The following SOX5 variants were observed in gnomAD, a reference collection of about 807,000 sequenced individuals.
SOX5 encodes SRY-box transcription factor 5, also known as transcription factor SOX-5.
In SOX5, 9 loss-of-function variants were observed where a neutral mutation model predicts 92.0. That is an observed-to-expected ratio of 0.10 (90% CI 0.06 to 0.17). SOX5 has a LOEUF of 0.17. Among genes scored for constraint, SOX5 ranks in the 10% least tolerant of loss-of-function variants. The pLI is 1.00. For synonymous variants in SOX5, 344 were observed against 336.3 expected, an observed-to-expected ratio of 1.02 and a Z score of -0.25; for missense variants, 642 against 944.5, an observed-to-expected ratio of 0.68 and a Z score of 4.20.
chr12:24,408,883 G>A (rs1276148614), intron 1 of SOX5, among the ~76,000 whole-genome samples: 3 of 152,220 alleles, frequency 2.0e-5, no homozygotes, highest in African/African-American at 7.2e-5. Flanking sequence ...TGGTGGGAAT[G>A]TAAATTAATT....
intron 1 of SOX5, among the ~76,000 whole-genome samples, chr12:23,917,808 TTATTA>T (rs1361520855): frequency 2.6e-5 from 4 of 152,184 alleles, no homozygotes; most frequent in Admixed American, 2.0e-4. Context: ...GCTAATATTT[TTATTA>T]TATTATATAT....
chr12:23,539,839 G>A (rs1290154189), intron 13 of SOX5, among the ~76,000 whole-genome samples: 4 of 152,000 alleles, frequency 2.6e-5, no homozygotes, highest in African/African-American at 9.7e-5. Flanking sequence ...ATAAAGATAG[G>A]CTAAGTACTA....
intron 3 of SOX5, among the ~76,000 whole-genome samples, chr12:24,217,403 A>T (rs1959252276): frequency 6.6e-6 from 1 of 152,238 alleles, no homozygotes; most frequent in African/African-American, 2.4e-5. Flanking sequence ...AACGTAATAC[A>T]ATCTTCAATA....
At chr12:24,007,810 CACACACACACACAT>C (rs1272630799) in intron 4 of SOX5, among the ~76,000 whole-genome samples, 5 of 100,998 alleles carry the variant, frequency 5.0e-5, no homozygotes, top group Non-Finnish European at 1.1e-4. Flanking sequence ...CACACACACA[CACACACACACACAT>C]ATATATATAT....
At chr12:23,626,207 A>G (rs1365862462) in intron 8 of SOX5, among the ~76,000 whole-genome samples, 2 of 152,158 alleles carry the variant, frequency 1.3e-5, no homozygotes, top group Non-Finnish European at 2.9e-5. Context: ...AGCCCTAAGG[A>G]CCAAAAAGTA....
chr12:24,470,407 G>A (rs1237162199), intron 1 of SOX5, among the ~76,000 whole-genome samples: 1 of 152,152 alleles, frequency 6.6e-6, no homozygotes, highest in African/African-American at 2.4e-5. Flanking sequence ...TAAATACCAA[G>A]AAAGAATGTT....
At chr12:23,806,147 A>C (rs1215829469) in intron 3 of SOX5, among the ~76,000 whole-genome samples, 1 of 152,178 alleles carries the variant, frequency 6.6e-6, no homozygotes, top group Non-Finnish European at 1.5e-5. Flanking sequence ...AGCTAAAGAA[A>C]AGTAAGGATC....
At chr12:23,922,021 T>C (rs1392623610) in intron 1 of SOX5, among the ~76,000 whole-genome samples, 1 of 152,182 alleles carries the variant, frequency 6.6e-6, no homozygotes, top group Non-Finnish European at 1.5e-5. Context: ...AAAATGATTA[T>C]AGTCTGCAGG....
At chr12:23,982,854 T>C (rs1048284921) in intron 4 of SOX5, among the ~76,000 whole-genome samples, 1 of 152,164 alleles carries the variant, frequency 6.6e-6, no homozygotes, top group African/African-American at 2.4e-5. Flanking sequence ...GAATCCAGTA[T>C]ATAGGTAGCA....
At chr12:23,535,999 CA>C (rs1940340664) in intron 14 of SOX5, among the ~76,000 whole-genome samples, 1 of 152,138 alleles carries the variant, frequency 6.6e-6, no homozygotes, top group Admixed American at 6.5e-5. Context: ...GTGTGATCCA[CA>C]AAGGCCACAC....
At chr12:23,971,764 G>T (rs911904856) in intron 4 of SOX5, among the ~76,000 whole-genome samples, 3 of 152,066 alleles carry the variant, frequency 2.0e-5, no homozygotes, top group Non-Finnish European at 4.4e-5. Flanking sequence ...TCCCAAGTCT[G>T]TTAATTATTT....
chr12:24,393,421 T>C lies in SOX5; in HGVS notation c.-250-24782A>G, dbSNP rs1959178960. Among the ~76,000 whole-genome samples the C allele has an allele frequency of 6.6e-6, 1 of 152,174 alleles. No individual in the cohort carries two copies. Among genetic ancestry groups the C allele is most frequent in the Non-Finnish European group, 1.5e-5 (1 of 68,028 alleles). On this transcript the variant is annotated intron_variant, in intron 1 of 4. Transcript: ENST00000446891. This position sits in a 1 kb window ranked among gnomAD's most constrained non-coding sequence, Gnocchi z 5.0. The stretch of plus-strand genomic sequence containing the variant: ...GAGATAACAGAATGACAATCCAGTA[T>C]GACAGAAAAGGGTTTTGCAAGGGCT...
intron 2 of SOX5, among the ~76,000 whole-genome samples, chr12:23,847,196 A>G (rs2096584780): frequency 6.6e-6 from 1 of 152,002 alleles, no homozygotes; most frequent in Non-Finnish European, 1.5e-5. Context: ...ATAATCCTTT[A>G]CCTCTCACAA....
chr12:23,692,985 A>T (rs575277863), intron 6 of SOX5, among the ~76,000 whole-genome samples: 65 of 152,242 alleles, frequency 4.3e-4, no homozygotes, highest in African/African-American at 1.5e-3. Flanking sequence ...ATAACTCCTT[A>T]GCTTTGTTTA....
chr12:24,218,223 C>CT (rs1699629059), intron 3 of SOX5, among the ~76,000 whole-genome samples: 1 of 152,094 alleles, frequency 6.6e-6, no homozygotes, highest in African/African-American at 2.4e-5. Flanking sequence ...TACCAATAAT[C>CT]TAAATGTTTT....
At chr12:23,768,124 G>A (rs966134336) in intron 3 of SOX5, among the ~76,000 whole-genome samples, 1 of 152,030 alleles carries the variant, frequency 6.6e-6, no homozygotes, top group Non-Finnish European at 1.5e-5. Flanking sequence ...CAGTCTAGGG[G>A]TTTTTGTGAA....
At chr12:24,042,623 T>C (rs968922506) in intron 4 of SOX5, among the ~76,000 whole-genome samples, 3 of 152,156 alleles carry the variant, frequency 2.0e-5, no homozygotes, top group South Asian at 2.1e-4. Flanking sequence ...GCTTTAGTGA[T>C]AGCCAGCAGC....
At chr12:24,546,450 A>G (rs1597813965) in intron 1 of SOX5, among the ~76,000 whole-genome samples, 1 of 152,182 alleles carries the variant, frequency 6.6e-6, no homozygotes, top group Non-Finnish European at 1.5e-5. Context: ...ACTCCTGCCC[A>G]CCACACAGCC....
chr12:24,436,940 C>G (rs1481888798), intron 1 of SOX5, among the ~76,000 whole-genome samples: 1 of 152,180 alleles, frequency 6.6e-6, no homozygotes, highest in Non-Finnish European at 1.5e-5. Context: ...AGTGAAACAA[C>G]AAAACCTGCA....
Sources: gnomAD v4.1 joint callset for allele counts (sites outside exome capture counted in the v4.1 genomes callset) on GRCh38, gnomAD v4.1.1 for gene constraint, Gnocchi (gnomAD v3.1) non-coding constraint, MANE v1.5 for transcripts, NCBI Gene and HGNC (gene_info 2026-07-23, HGNC 2026-07-21) for gene names.